The following CCSER1 variants were observed in gnomAD, a reference collection of about 807,000 sequenced individuals.
CCSER1 encodes serine-rich coiled-coil domain-containing protein 1.
CCSER1 carries 41 observed loss-of-function variants against 82.0 expected under a neutral mutation model. The observed-to-expected ratio is 0.50, with a 90% CI of 0.39 to 0.65. The LOEUF (loss-of-function observed/expected upper bound fraction) is 0.65, where lower values mean the gene tolerates loss of function less well. Among genes scored for constraint, CCSER1 ranks in the 30% least tolerant of loss-of-function variants. The pLI is 0.00. For synonymous variants in CCSER1, 414 were observed against 383.9 expected (o/e 1.08, Z -0.92); for missense variants, 1,119 against 1,064.2 (o/e 1.05, Z -0.72).
chr4:90,842,370 T>C (rs1271001260), intron 8 of CCSER1, among the ~76,000 whole-genome samples: 1 of 152,204 alleles, frequency 6.6e-6, no homozygotes, highest in East Asian at 1.9e-4. Context: ...TCTGTTGCTG[T>C]TGAAATTTGA....
chr4:91,433,310 G>A (rs972281278), intron 10 of CCSER1, among the ~76,000 whole-genome samples: 1 of 152,066 alleles, frequency 6.6e-6, no homozygotes, highest in Admixed American at 6.6e-5. Context: ...GTGACACTGT[G>A]GCCATCATAA....
chr4:91,036,258 A>AT (rs1447378170), intron 9 of CCSER1, among the ~76,000 whole-genome samples: 1 of 152,216 alleles, frequency 6.6e-6, no homozygotes, highest in Non-Finnish European at 1.5e-5. Flanking sequence ...ATGAAACAGT[A>AT]TTTTGTAACA....
chr4:90,728,896 T>A (rs1459702664), intron 7 of CCSER1, among the ~76,000 whole-genome samples: 1 of 152,072 alleles, frequency 6.6e-6, no homozygotes, highest in African/African-American at 2.4e-5. Context: ...TTAAGAAAAA[T>A]TTTCTGTAGT....
chr4:90,498,732 G>T (rs190692030), intron 5 of CCSER1, among the ~76,000 whole-genome samples: 333 of 152,176 alleles, frequency 2.2e-3, no homozygotes, highest in African/African-American at 7.7e-3. Context: ...TGTTTTCCAT[G>T]CCTCATATTC....
In CCSER1 at chr4:91,600,653, T is replaced by C. The variant is rs1271502138; in HGVS notation, c.*1596T>C. 6.6e-6 allele frequency: 1 copy of C among 152,144 alleles called. No homozygotes were observed. Among genetic ancestry groups the C allele is most frequent in the East Asian group, 1.9e-4 (1 of 5,190 alleles). The allele number at this position is 152,144 out of a possible 1,614,324, so 9.4% of individuals were successfully genotyped here. A position where few individuals can be genotyped will look rare whatever the true frequency, so the allele number is the denominator to read the frequency against. On this transcript the variant is annotated 3_prime_UTR_variant, in exon 11 of 11. Transcript: ENST00000509176. ...GCTTTGGGGAAAAGCCATTAGACAC[T>C]CCACCCCTGAGCTTTAACTACTGAA...
At chr4:90,625,410 C>A (rs1343623094) in intron 5 of CCSER1, among the ~76,000 whole-genome samples, 1 of 152,128 alleles carries the variant, frequency 6.6e-6, no homozygotes. Flanking sequence ...TGGCAATCAG[C>A]ATAAAACAGG....
intron 10 of CCSER1, among the ~76,000 whole-genome samples, chr4:91,400,455 C>A (rs1560641012): frequency 6.7e-6 from 1 of 148,940 alleles, no homozygotes; most frequent in South Asian, 2.1e-4. Context: ...CTTTTCAATG[C>A]CTTCATATCC....
chr4:91,080,442 C>T lies in CCSER1; in HGVS notation c.2173-5508C>T, dbSNP rs547727547. Among the ~76,000 whole-genome samples, 4 of 152,280 alleles carry T rather than the reference C, an allele frequency of 2.6e-5. 1 individual carries two copies. The highest frequency in any genetic ancestry group is 4.1e-4 in the South Asian group (2 of 4,826). On this transcript the variant is annotated intron_variant, in intron 9 of 10. Transcript: ENST00000509176. Reference sequence around the variant, plus strand: ...AGTGTGTAGAGGTAAATTAATAGCACTAAATGCCCATAAGAGAAAGCAGGA... The same window carrying T: ...AGTGTGTAGAGGTAAATTAATAGCATTAAATGCCCATAAGAGAAAGCAGGA...
intron 1 of CCSER1, among the ~76,000 whole-genome samples, chr4:90,290,445 A>G (rs905206825): frequency 5.9e-5 from 9 of 151,914 alleles, no homozygotes; most frequent in African/African-American, 2.2e-4. Context: ...GGGTACCCTT[A>G]TGTTTGTTGT....
At chr4:91,080,977 G>A (rs1055493257) in intron 9 of CCSER1, among the ~76,000 whole-genome samples, 1 of 152,116 alleles carries the variant, frequency 6.6e-6, no homozygotes, top group East Asian at 1.9e-4. Flanking sequence ...CTACCCAGAG[G>A]TACAAAGAGG....
At chr4:90,844,244 A>G (rs1001200405) in intron 8 of CCSER1, among the ~76,000 whole-genome samples, 1 of 152,052 alleles carries the variant, frequency 6.6e-6, no homozygotes, top group African/African-American at 2.4e-5. Context: ...AGAGAGGAAG[A>G]CAGATATGTA....
intron 1 of CCSER1, among the ~76,000 whole-genome samples, chr4:90,191,243 T>C (rs1735554362): frequency 6.6e-6 from 1 of 151,922 alleles, no homozygotes; most frequent in South Asian, 2.1e-4. Flanking sequence ...ATGAGTCTTC[T>C]TTCTCCCTGT....
chr4:91,493,595 ACAT>A (rs1001960369), intron 10 of CCSER1, among the ~76,000 whole-genome samples: 2 of 151,838 alleles, frequency 1.3e-5, no homozygotes, highest in African/African-American at 2.4e-5. Context: ...TTATGCAAGC[ACAT>A]CATTCTCATA....
At chr4:91,093,981 A>C (rs1724238115) in intron 10 of CCSER1, among the ~76,000 whole-genome samples, 1 of 152,080 alleles carries the variant, frequency 6.6e-6, no homozygotes, top group Admixed American at 6.5e-5. Context: ...TTTCTTTCTG[A>C]CCCCAGGCTG....
At chr4:91,247,687 G>T (rs1315926572) in intron 10 of CCSER1, among the ~76,000 whole-genome samples, 1 of 152,060 alleles carries the variant, frequency 6.6e-6, no homozygotes, top group Non-Finnish European at 1.5e-5. Context: ...GGCCAACATG[G>T]CGAAACCCTG....
intron 1 of CCSER1, among the ~76,000 whole-genome samples, chr4:90,283,537 G>C (rs1729259659): frequency 6.6e-6 from 1 of 151,930 alleles, no homozygotes; most frequent in East Asian, 1.9e-4. Context: ...CACTCTTCTA[G>C]TAATTTTAAA....
intron 3 of CCSER1, 145 bp from the exon 4 acceptor site, chr4:90,399,891 A>G: frequency 2.0e-6 from 1 of 496,774 alleles, no homozygotes. Flanking sequence ...TTTAAAGCCC[A>G]TAGGTGTCAA....
chr4:90,621,144 CCT>C (rs1479898220), intron 5 of CCSER1, among the ~76,000 whole-genome samples: 1 of 152,116 alleles, frequency 6.6e-6, no homozygotes, highest in African/African-American at 2.4e-5. Flanking sequence ...AGCTGACTCT[CCT>C]CTCTTTTGTG....
chr4:91,279,977 C>T (rs924551208), intron 10 of CCSER1, among the ~76,000 whole-genome samples: 4 of 152,048 alleles, frequency 2.6e-5, no homozygotes, highest in Non-Finnish European at 4.4e-5. Flanking sequence ...GGTCATGTGC[C>T]GTAGTATAGT....
Sources: allele counts gnomAD v4.1 joint callset (sites outside exome capture counted in the v4.1 genomes callset), GRCh38; gene constraint gnomAD v4.1.1; transcripts MANE v1.5; gene names NCBI Gene and HGNC (gene_info 2026-07-23, HGNC 2026-07-21).